The following MICU2 variants were observed in gnomAD, a reference collection of about 807,000 sequenced individuals.
MICU2 encodes the protein calcium uptake protein 2, mitochondrial.
Under a neutral mutation model 60.4 loss-of-function variants are expected in MICU2, and 64 were observed. That is an observed-to-expected ratio of 1.06 (90% CI 0.87 to 1.31). The LOEUF (loss-of-function observed/expected upper bound fraction) is 1.31, where lower values mean the gene tolerates loss of function less well. Ranked by LOEUF, MICU2 falls within the 50% of genes most tolerant of loss-of-function variation. MICU2 has a pLI of 0.00. For missense variants in MICU2, 569 were observed against 531.0 expected (o/e 1.07, Z -0.70); for synonymous variants, 201 against 175.0 (o/e 1.15, Z -1.17).
chr13:21,511,908 T>C (rs1886438014), intron 7 of MICU2, among the ~76,000 whole-genome samples: 1 of 152,204 alleles, frequency 6.6e-6, no homozygotes, highest in African/African-American at 2.4e-5. Flanking sequence ...TGCAGAGCAG[T>C]ATTTCATGGT....
At chr13:21,581,782 T>C (rs1477645690) in intron 1 of MICU2, among the ~76,000 whole-genome samples, 5 of 152,168 alleles carry the variant, frequency 3.3e-5, no homozygotes, top group Non-Finnish European at 7.3e-5. Context: ...TGACTAAGTA[T>C]GAAATGTAAA....
chr13:21,539,429 G>T, intron 3 of MICU2, 52 bp from the exon 4 acceptor site: 1 of 1,544,090 alleles, frequency 6.5e-7, no homozygotes, highest in Non-Finnish European at 8.9e-7. Context: ...TTTCTTTGTA[G>T]CTGGGACTAC....
chr13:21,504,101 T>C (rs1886240683), intron 8 of MICU2, among the ~76,000 whole-genome samples: 1 of 152,172 alleles, frequency 6.6e-6, no homozygotes, highest in Non-Finnish European at 1.5e-5. Context: ...ATGTACTGAA[T>C]ACACGGATTC....
intron 6 of MICU2, among the ~76,000 whole-genome samples, chr13:21,517,748 C>T (rs1886605364): frequency 6.6e-6 from 1 of 151,366 alleles, no homozygotes; most frequent in African/African-American, 2.4e-5. Flanking sequence ...CTGTACCACT[C>T]CAGCCTGGGT....
At chr13:21,523,166 G>A (rs907220809) in intron 4 of MICU2, among the ~76,000 whole-genome samples, 1 of 152,172 alleles carries the variant, frequency 6.6e-6, no homozygotes, top group Non-Finnish European at 1.5e-5. Flanking sequence ...AATGTGGACT[G>A]AATTACACCA....
chr13:21,553,654 T>G (rs930681804), intron 2 of MICU2, among the ~76,000 whole-genome samples: 2 of 152,152 alleles, frequency 1.3e-5, no homozygotes, highest in Non-Finnish European at 2.9e-5. Flanking sequence ...GCTAACATCA[T>G]AATGACAGGA....
At chr13:21,535,135 T>C (rs1010721711) in intron 4 of MICU2, among the ~76,000 whole-genome samples, 9 of 152,314 alleles carry the variant, frequency 5.9e-5, no homozygotes, top group Non-Finnish European at 1.3e-4. Flanking sequence ...CTTAAGATGA[T>C]TTAAATTTTC....
intron 1 of MICU2, among the ~76,000 whole-genome samples, chr13:21,591,670 ACT>A (rs745393114): frequency 1.3e-4 from 20 of 152,148 alleles, no homozygotes; most frequent in Non-Finnish European, 2.9e-4. Context: ...AAATCACAGC[ACT>A]CTCTCAGACC....
chr13:21,530,989 A>C (rs1886981770), intron 4 of MICU2: 1 of 789,446 alleles, frequency 1.3e-6, no homozygotes, highest in African/African-American at 1.7e-5. Context: ...GAAATGATTA[A>C]ACTAGTACCA....
chr13:21,496,874 T>G (rs566277034), intron 9 of MICU2, among the ~76,000 whole-genome samples: 1 of 151,692 alleles, frequency 6.6e-6, no homozygotes, highest in Admixed American at 6.6e-5. Context: ...GCTAACACCA[T>G]GAAATCCCTT....
rs1885964121 is a variant in MICU2 at position 21,495,238 on chromosome 13, C to T, written c.1123G>A (p.Asp375Asn). The T allele has an allele frequency of 1.2e-6, 2 of 1,613,552 alleles. No homozygotes were observed. Among genetic ancestry groups the T allele is most frequent in the Non-Finnish European group, 1.7e-6 (2 of 1,179,762 alleles). The change falls in exon 11 of 12, where the codon GAT becomes AAT. Residue 375 changes from aspartate (D) to asparagine (N), a missense_variant. Asp to Asn is a conservative substitution (Grantham distance 23, BLOSUM62 1). Transcript: ENST00000382374. ...NILDTVFKIF[D>N]LDGDECLSHE... ...CTAAGACATTCATCACCATCCAAAT[C>T]AAAGATCTTAAAGACAGTGTCCAAA... is the stretch of plus-strand genomic sequence containing the variant.
In MICU2 at chr13:21,555,608, T is replaced by C. The variant is rs549306425; in HGVS notation, c.358+11189A>G. On this transcript the variant is annotated intron_variant, in intron 2 of 11. Coordinates refer to ENST00000382374, the MANE Select transcript of MICU2 (RefSeq NM_152726.3). ...TGGAAGCATTCCCTTTGAAAATAAATAGACTTATTTTAACTTCAGAATTAA... is the reference window on the plus strand; with the variant it reads ...TGGAAGCATTCCCTTTGAAAATAAACAGACTTATTTTAACTTCAGAATTAA... Among the ~76,000 whole-genome samples the C allele has an allele frequency of 1.1e-4, 17 of 152,116 alleles. No homozygotes were observed. In the South Asian group the frequency reaches 3.5e-3, roughly 32 times the overall value.
Position 21,493,236 on chromosome 13 carries a change from A to G in MICU2, c.*13T>C, listed in dbSNP as rs1415810420. ...TTTGGAACAATATAATTGCCATACTATTATATCTTTTATTAAAAAAGACCT... is the reference window on the plus strand; with the variant it reads ...TTTGGAACAATATAATTGCCATACTGTTATATCTTTTATTAAAAAAGACCT... On this transcript the variant is annotated 3_prime_UTR_variant, in exon 12 of 12. Transcript: ENST00000382374. The G allele has an allele frequency of 6.4e-7, 1 of 1,555,112 alleles. No homozygotes were observed. Among genetic ancestry groups the G allele is most frequent in the African/African-American group, 1.4e-5 (1 of 73,252 alleles).
chr13:21,593,466 TC>T (rs1236847109), intron 1 of MICU2, among the ~76,000 whole-genome samples: 1 of 146,802 alleles, frequency 6.8e-6, no homozygotes, highest in Non-Finnish European at 1.5e-5. Context: ...TCAATGCTAT[TC>T]CCATCAAACT....
Position 21,540,989 on chromosome 13 carries a change from C to T in MICU2, c.359-1301G>A, listed in dbSNP as rs185458158. Among the ~76,000 whole-genome samples, 460 of 152,182 alleles carry T rather than the reference C, an allele frequency of 3.0e-3. 3 individuals carry two copies. Among genetic ancestry groups the T allele is most frequent in the Middle Eastern group, 0.027 (8 of 294 alleles). On this transcript the variant is annotated intron_variant, in intron 2 of 11. Transcript: ENST00000382374. ...TATTTCTATGCTTGTCCTAAAGTTA[C>T]GCCACAAATAGTCATTACCATGTAC...
intron 2 of MICU2, among the ~76,000 whole-genome samples, chr13:21,543,634 T>C (rs1388788659): frequency 2.6e-5 from 4 of 151,874 alleles, no homozygotes; most frequent in Admixed American, 2.6e-4. Flanking sequence ...TTCACAAAAA[T>C]AACTACAAAA....
At position 21,496,520 on chromosome 13, in the gene MICU2, T is replaced by C. The variant is rs560442373; in HGVS notation, c.934-360A>G. On this transcript the variant is annotated intron_variant, in intron 9 of 11. Transcript: ENST00000382374. ...GAGACTAACATACTCTGTTAAGTGG[T>C]CCACTTCTGCTAAGTTTTATTAGTG... 8.4e-5 allele frequency: 17 copies of C among 202,530 alleles called. 1 individual carries two copies. In the South Asian group the frequency reaches 1.6e-3, roughly 20 times the overall value. The allele number at this position is 202,530 out of a possible 1,614,324, so 12.5% of individuals were successfully genotyped here.
At chr13:21,549,130 C>A (rs374492714) in intron 2 of MICU2, among the ~76,000 whole-genome samples, 5 of 151,708 alleles carry the variant, frequency 3.3e-5, no homozygotes, top group African/African-American at 7.3e-5. Context: ...GGGGTTTCAC[C>A]GTGTTAGCCA....
rs371188135 is a variant in MICU2, at chr13:21,501,670, TTCCTTGCC to T, written c.933+1248_933+1255del. Reference sequence around the variant, plus strand: ...TTCCTGCACGTACGAAAGACTGAAGTTCCTTGCCTCCCTGCATTCAGGTGGGGTTATGT... The same window carrying T: ...TTCCTGCACGTACGAAAGACTGAAGTTCCCTGCATTCAGGTGGGGTTATGT... On this transcript the variant is annotated intron_variant, in intron 9 of 11. Transcript: ENST00000382374. Among the ~76,000 whole-genome samples the T allele has an allele frequency of 2.6e-3, 400 of 152,330 alleles. 1 individual carries two copies. The highest frequency in any genetic ancestry group is 8.8e-3 in the African/African-American group (367 of 41,578).
Sources: gnomAD v4.1 joint callset for allele counts (sites outside exome capture counted in the v4.1 genomes callset) on GRCh38, gnomAD v4.1.1 for gene constraint, MANE v1.5 for transcripts, NCBI Gene and HGNC (gene_info 2026-07-23, HGNC 2026-07-21) for gene names.